TACC2: variants seen among roughly 807,000 people sequenced by gnomAD.
The protein encoded by TACC2 is transforming acidic coiled-coil containing protein 2, also known as transforming acidic coiled-coil-containing protein 2.
TACC2 carries 137 observed loss-of-function variants against 227.3 expected under a neutral mutation model. The observed-to-expected ratio is 0.60, with a 90% CI of 0.52 to 0.69. The LOEUF (loss-of-function observed/expected upper bound fraction) is 0.69, where lower values mean the gene tolerates loss of function less well. TACC2 is among the 30% of genes least tolerant of loss of function. The pLI is 0.00. For synonymous variants in TACC2, 1,523 were observed against 1,487.5 expected (o/e 1.02, Z -0.55); for missense variants, 3,470 against 3,694.4 (o/e 0.94, Z 1.57).
At chr10:122,042,537 C>A (rs1218829436) in intron 2 of TACC2, among the ~76,000 whole-genome samples, 1 of 152,222 alleles carries the variant, frequency 6.6e-6, no homozygotes, top group Non-Finnish European at 1.5e-5. Context: ...GCCACTGCAC[C>A]CAGCCTGAAC....
chr10:122,081,491 G>T (rs915895140), intron 3 of TACC2, among the ~76,000 whole-genome samples: 11 of 141,374 alleles, frequency 7.8e-5, no homozygotes, highest in African/African-American at 2.9e-4. Flanking sequence ...TCGCACCACT[G>T]CACTCCAGCC....
At chr10:122,112,734 T>C (rs1382132995) in intron 5 of TACC2, among the ~76,000 whole-genome samples, 1 of 152,228 alleles carries the variant, frequency 6.6e-6, no homozygotes, top group Non-Finnish European at 1.5e-5. Flanking sequence ...CTAAGAACAG[T>C]AACAAGTTGT....
rs10788228 is a variant in TACC2, at chr10:122,008,252, A to G, written c.-45-13685A>G. On this transcript the variant is annotated intron_variant, in intron 1 of 22. Coordinates refer to ENST00000369005, the MANE Select transcript of TACC2 (RefSeq NM_206862.4). The stretch of plus-strand genomic sequence containing the variant: ...GAATTCTGTCTATCCCTTTGTTATT[A>G]TTATTATTATTATTTTTTTTTTTTG... Among the ~76,000 whole-genome samples the G allele has an allele frequency of 8.8e-4, 33 of 37,322 alleles. No individual in the cohort carries two copies. In the South Asian group the frequency reaches 0.016, roughly 18 times the overall value. The allele number at this position is 37,322 out of a possible 152,430, so 24.5% of individuals were successfully genotyped here. A position where few individuals can be genotyped will look rare whatever the true frequency, so the allele number is the denominator to read the frequency against.
intron 2 of TACC2, among the ~76,000 whole-genome samples, chr10:122,042,490 G>A (rs1031003949): frequency 6.6e-5 from 10 of 151,978 alleles, no homozygotes; most frequent in African/African-American, 1.7e-4. Flanking sequence ...TGATCCACCC[G>A]CCTCAGCCTC....
At chr10:122,243,998 T>C (rs1395214089) in intron 19 of TACC2, among the ~76,000 whole-genome samples, 1 of 152,242 alleles carries the variant, frequency 6.6e-6, no homozygotes, top group African/African-American at 2.4e-5. Flanking sequence ...AAATGTCCTG[T>C]CCTTGTCATG....
chr10:122,192,350 T>G, intron 7 of TACC2: 1 of 254,112 alleles, frequency 3.9e-6, no homozygotes. Flanking sequence ...TCATTGGAAT[T>G]CAGGGGCTAG....
At chr10:122,011,135 A>G (rs1955866698) in intron 1 of TACC2, among the ~76,000 whole-genome samples, 1 of 152,140 alleles carries the variant, frequency 6.6e-6, no homozygotes, top group Non-Finnish European at 1.5e-5. Flanking sequence ...CTCACCACTG[A>G]CCATTACCCA....
At position 122,210,345 on chromosome 10, in the gene TACC2, G is replaced by GC; in HGVS notation, c.5972-48dup. On this transcript the variant is annotated intron_variant, in intron 8 of 22. Coordinates refer to ENST00000369005, the MANE Select transcript of TACC2 (RefSeq NM_206862.4). This position sits in a 1 kb window ranked among gnomAD's most constrained non-coding sequence, Gnocchi z 4.6. ...GATGTTTTGGTACAAGAGGAGAGGT[G>GC]CCCCAATGCGTCCTGTGTCTGTAAT... The GC allele has an allele frequency of 7.1e-7, 1 of 1,412,018 alleles. No homozygotes were observed. The highest frequency in any genetic ancestry group is 1.0e-6 in the Non-Finnish European group (1 of 997,542). 87.5% of individuals were successfully genotyped at this position (1,412,018 alleles called of 1,614,324 possible). A position where few individuals can be genotyped will look rare whatever the true frequency, so the allele number is the denominator to read the frequency against.
rs566605473 is a variant in TACC2, at chr10:122,144,810, T to G, written c.5834+1104T>G. ...GTATCTCCTGGCATCTACCTGCAGC[T>G]CTGTTGGTCCTGAGTCCCAGAGGGA... On this transcript the variant is annotated intron_variant, in intron 7 of 22. Coordinates refer to ENST00000369005, the MANE Select transcript of TACC2 (RefSeq NM_206862.4). Among the ~76,000 whole-genome samples the G allele has an allele frequency of 3.3e-5, 5 of 152,308 alleles. No homozygotes were observed. The East Asian group carries it at 5.8e-4, about 18-fold the overall frequency.
At chr10:122,028,086 T>TTTC (rs1958310841) in intron 2 of TACC2, among the ~76,000 whole-genome samples, 1 of 110,416 alleles carries the variant, frequency 9.1e-6, no homozygotes, top group African/African-American at 3.7e-5. Flanking sequence ...CTTTCTTTCT[T>TTTC]TTTTTTTTTT....
chr10:122,023,429 A>G (rs995021880), intron 2 of TACC2: 1 of 152,230 alleles, frequency 6.6e-6, no homozygotes, highest in Non-Finnish European at 1.5e-5. Flanking sequence ...CAATTGTGTT[A>G]AAAGACTGGG....
At chr10:122,174,015 C>T (rs564221594) in intron 7 of TACC2, among the ~76,000 whole-genome samples, 4 of 152,292 alleles carry the variant, frequency 2.6e-5, no homozygotes, top group East Asian at 1.9e-4. Flanking sequence ...CTCTTCTGCC[C>T]GCCTCCTCTC....
intron 3 of TACC2, among the ~76,000 whole-genome samples, chr10:122,056,493 C>T (rs1269698455): frequency 1.3e-5 from 2 of 152,114 alleles, no homozygotes; most frequent in Non-Finnish European, 2.9e-5. Context: ...GCATTTCTAA[C>T]AGGTTCCCAG....
chr10:122,006,152 A>T (rs1035809879), intron 1 of TACC2, among the ~76,000 whole-genome samples: 2 of 151,802 alleles, frequency 1.3e-5, no homozygotes, highest in African/African-American at 2.4e-5. Flanking sequence ...ATTGATTTTT[A>T]AAAAATAGGA....
chr10:122,188,069 A>G (rs2094273202), intron 7 of TACC2, among the ~76,000 whole-genome samples: 1 of 151,908 alleles, frequency 6.6e-6, no homozygotes, highest in Admixed American at 6.5e-5. Flanking sequence ...GAGTCTCAGC[A>G]GGTTGCTCCT....
At chr10:122,170,888 T>C (rs1029292696) in intron 7 of TACC2, among the ~76,000 whole-genome samples, 2 of 152,154 alleles carry the variant, frequency 1.3e-5, no homozygotes, top group African/African-American at 4.8e-5. Context: ...GGGCATCTTC[T>C]GCTCCGTCCC....
At position 122,217,797 on chromosome 10, in the gene TACC2, C is replaced by G. The variant is rs114436450; in HGVS notation, c.7546+969C>G. Among the ~76,000 whole-genome samples the G allele has an allele frequency of 2.4e-3, 371 of 152,090 alleles. 2 individuals are homozygous for G. Among genetic ancestry groups the G allele is most frequent in the African/African-American group, 8.6e-3 (355 of 41,478 alleles). ...TAGCACCTTTCTTGGGAGGGATGAC[C>G]CCATTGCCCTGACCTGTTGGTGCAC... On this transcript the variant is annotated intron_variant, in intron 11 of 22. Transcript: ENST00000369005.
At chr10:122,003,624 C>T (rs887991237) in intron 1 of TACC2, among the ~76,000 whole-genome samples, 3 of 151,862 alleles carry the variant, frequency 2.0e-5, no homozygotes, top group Non-Finnish European at 2.9e-5. Flanking sequence ...ATAGTTTAAA[C>T]GATAATAGCC....
intron 3 of TACC2, among the ~76,000 whole-genome samples, chr10:122,062,614 C>T (rs1424376154): frequency 6.6e-6 from 1 of 151,988 alleles, no homozygotes; most frequent in African/African-American, 2.4e-5. Context: ...GTGCCAGGCC[C>T]AGAGCTTCTT....
Sources: allele counts gnomAD v4.1 joint callset (sites outside exome capture counted in the v4.1 genomes callset), GRCh38; gene constraint gnomAD v4.1.1; non-coding constraint Gnocchi (gnomAD v3.1); transcripts MANE v1.5; gene names NCBI Gene and HGNC (gene_info 2026-07-23, HGNC 2026-07-21).